The following SENP1 variants were observed in gnomAD, a reference collection of about 807,000 sequenced individuals.
The protein encoded by SENP1 is SUMO specific peptidase 1.
SENP1 carries 21 observed loss-of-function variants against 93.0 expected under a neutral mutation model. That is an observed-to-expected ratio of 0.23 (90% CI 0.16 to 0.33). SENP1 has a LOEUF of 0.33. SENP1 is among the 10% of genes least tolerant of loss of function. SENP1 has a pLI of 1.00. For synonymous variants in SENP1, 256 were observed against 259.6 expected (o/e 0.99, Z 0.13); for missense variants, 591 against 758.7 (o/e 0.78, Z 2.60).
In SENP1 at chr12:48,096,414, C is replaced by T. The variant is rs1945561268; in HGVS notation, c.149G>A (p.Arg50Lys). The T allele has an allele frequency of 6.2e-7, 1 of 1,607,776 alleles. No homozygotes were observed. Among genetic ancestry groups the T allele is most frequent in the African/African-American group, 1.3e-5 (1 of 74,700 alleles). The change falls in exon 4 of 18, where the codon AGG becomes AAG. Residue 50 changes from arginine (R) to lysine (K), a missense_variant. This residue lies in a region of SENP1 where 214 missense variants were observed against 243.4 expected (regional missense o/e 0.88). Transcript: ENST00000549518. ...AAAAGATCGGTCCAAATGTCCTTGC[C>T]TGGAAGATAAAATCTAAACAAAGCA... ...SLSDQQILSS[R>K]QGHLDRSFTC...
chr12:48,068,000 A>G (rs924739583), intron 9 of SENP1, among the ~76,000 whole-genome samples: 4 of 152,090 alleles, frequency 2.6e-5, no homozygotes, highest in African/African-American at 9.7e-5. Context: ...AGCTGGGATT[A>G]CAGGCACCCG....
intron 3 of SENP1, among the ~76,000 whole-genome samples, chr12:48,096,747 C>T (rs537445986): frequency 2.6e-5 from 4 of 152,108 alleles, no homozygotes; most frequent in Non-Finnish European, 4.4e-5. Context: ...TGAGCCACCG[C>T]GCCCGGCCAT....
intron 5 of SENP1, among the ~76,000 whole-genome samples, chr12:48,087,053 AC>A (rs1944922485): frequency 7.0e-6 from 1 of 143,806 alleles, no homozygotes; most frequent in African/African-American, 2.9e-5. Flanking sequence ...AAACAAAAAA[AC>A]AAAACAAAAC....
chr12:48,063,002 G>A (rs1665356250), intron 13 of SENP1, among the ~76,000 whole-genome samples: 2 of 152,082 alleles, frequency 1.3e-5, no homozygotes, highest in South Asian at 4.1e-4. Flanking sequence ...ATGCAAAGAA[G>A]GTACTTAGGA....
chr12:48,076,858 A>C (rs1592390355), intron 6 of SENP1, among the ~76,000 whole-genome samples: 1 of 150,110 alleles, frequency 6.7e-6, no homozygotes, highest in African/African-American at 2.5e-5. Context: ...TGTTGGCCAC[A>C]ATGGTCTCGA....
intron 10 of SENP1, among the ~76,000 whole-genome samples, 161 bp downstream of exon 10, chr12:48,066,766 C>T (rs1943331428): frequency 6.6e-6 from 1 of 152,194 alleles, no homozygotes; most frequent in South Asian, 2.1e-4. Context: ...CCTGCCTCAG[C>T]CTCCCAAAAT....
chr12:48,071,517 G>A (rs1943698593), intron 9 of SENP1, 150 bp downstream of exon 9: 4 of 524,186 alleles, frequency 7.6e-6, no homozygotes, highest in Non-Finnish European at 1.4e-5. Context: ...TCGGGAGGCT[G>A]AGGCAGAAGA....
At chr12:48,082,810 T>C (rs1056732169) in intron 6 of SENP1, among the ~76,000 whole-genome samples, 2 of 152,222 alleles carry the variant, frequency 1.3e-5, no homozygotes, top group African/African-American at 4.8e-5. Flanking sequence ...TTACTCATAA[T>C]GAAAGGATGT....
chr12:48,060,521 G>A (rs1008009105), intron 13 of SENP1, among the ~76,000 whole-genome samples: 2 of 152,164 alleles, frequency 1.3e-5, no homozygotes, highest in Non-Finnish European at 2.9e-5. Context: ...ATTTCCTTCT[G>A]TTTCTTGACT....
At chr12:48,056,200 ATAT>A (rs1226528734) in intron 13 of SENP1, among the ~76,000 whole-genome samples, 5 of 82,566 alleles carry the variant, frequency 6.1e-5, no homozygotes, top group Non-Finnish European at 1.1e-4. Context: ...TATATAGTAT[ATAT>A]TATTTAATAT....
chr12:48,087,674 G>A (rs1179920137), intron 5 of SENP1, among the ~76,000 whole-genome samples: 1 of 152,182 alleles, frequency 6.6e-6, no homozygotes, highest in Non-Finnish European at 1.5e-5. Flanking sequence ...CAATGTGAGT[G>A]TATGAGTGAA....
chr12:48,102,455 C>A (rs113353597), intron 1 of SENP1, among the ~76,000 whole-genome samples: 7,686 of 96,488 alleles, frequency 0.08, 379 homozygotes, highest in East Asian at 0.28. Flanking sequence ...AAAAAAAAAA[C>A]CAAACACAAA....
intron 13 of SENP1, among the ~76,000 whole-genome samples, chr12:48,051,104 A>C (rs1235319003): frequency 2.0e-5 from 3 of 152,042 alleles, no homozygotes; most frequent in East Asian, 3.9e-4. Flanking sequence ...AAAGAATGAC[A>C]TAAATGAGTG....
chr12:48,074,234 T>A, intron 8 of SENP1, 90 bp downstream of exon 8: 1 of 1,061,560 alleles, frequency 9.4e-7, no homozygotes, highest in Non-Finnish European at 1.4e-6. Context: ...CATTTATTTA[T>A]ATGTATATTA....
intron 6 of SENP1, among the ~76,000 whole-genome samples, chr12:48,079,742 CTT>C (rs754376144): frequency 4.5e-4 from 66 of 146,626 alleles, no homozygotes; most frequent in Non-Finnish European, 8.1e-4. Context: ...AATTATAAAA[CTT>C]TAATAGAGAG....
chr12:48,071,592 G>T, intron 9 of SENP1, 75 bp downstream of exon 9: 1 of 1,063,384 alleles, frequency 9.4e-7, no homozygotes, highest in South Asian at 1.4e-5. Context: ...CTCCAGCCTG[G>T]GCAACAGAGC....
At chr12:48,090,219 T>C (rs1565799061) in intron 4 of SENP1, among the ~76,000 whole-genome samples, 1 of 152,242 alleles carries the variant, frequency 6.6e-6, no homozygotes, top group Non-Finnish European at 1.5e-5. Context: ...AAAATGAGTC[T>C]TAGTAAAGAA....
intron 5 of SENP1, among the ~76,000 whole-genome samples, chr12:48,087,160 TG>T (rs1944933069): frequency 6.6e-6 from 1 of 152,184 alleles, no homozygotes. Context: ...AAGATACTTT[TG>T]GGTCAACTGA....
chr12:48,083,822 A>C (rs912645186), intron 5 of SENP1, 60 bp from the exon 6 acceptor site: 3 of 1,232,940 alleles, frequency 2.4e-6, no homozygotes, highest in Non-Finnish European at 3.4e-6. Flanking sequence ...AATCCAACCT[A>C]GAGATTATTT....
Sources: allele counts gnomAD v4.1 joint callset (sites outside exome capture counted in the v4.1 genomes callset), GRCh38; gene constraint gnomAD v4.1.1; regional missense constraint gnomAD v4.1.1; transcripts MANE v1.5; gene names NCBI Gene and HGNC (gene_info 2026-07-23, HGNC 2026-07-21).